PCSK5: variants seen among roughly 807,000 people sequenced by gnomAD.
The protein encoded by PCSK5 is prohormone convertase 5.
PCSK5 carries 129 observed loss-of-function variants against 233.2 expected under a neutral mutation model. The observed-to-expected ratio is 0.55, with a 90% CI of 0.48 to 0.64. PCSK5 has a LOEUF of 0.64. Ranked by LOEUF, PCSK5 falls within the 30% of genes least tolerant of loss-of-function variation. PCSK5 has a pLI of 0.00. For synonymous variants in PCSK5, 825 were observed against 879.2 expected, an observed-to-expected ratio of 0.94 and a Z score of 1.09; for missense variants, 2,076 against 2,430.1, an observed-to-expected ratio of 0.85 and a Z score of 3.06.
intron 2 of PCSK5, among the ~76,000 whole-genome samples, chr9:75,948,668 A>G (rs1228885641): frequency 6.6e-6 from 1 of 152,136 alleles, no homozygotes. Context: ...TCCTTTGGGT[A>G]TATACCCAGT....
At chr9:76,095,131 G>A (rs988922323) in intron 7 of PCSK5, among the ~76,000 whole-genome samples, 28 of 152,058 alleles carry the variant, frequency 1.8e-4, no homozygotes, top group African/African-American at 5.1e-4. Flanking sequence ...TGTTTAATTC[G>A]GGGATTCCCA....
chr9:76,208,290 G>A (rs1480529119), intron 20 of PCSK5, among the ~76,000 whole-genome samples: 2 of 152,170 alleles, frequency 1.3e-5, no homozygotes, highest in Non-Finnish European at 2.9e-5. Context: ...CCAAGGGTCT[G>A]ACTGCAATGA....
intron 8 of PCSK5, among the ~76,000 whole-genome samples, chr9:76,102,558 G>A (rs182349429): frequency 6.6e-6 from 1 of 152,246 alleles, no homozygotes; most frequent in African/African-American, 2.4e-5. Context: ...CAAGTTTTCA[G>A]ATTAGAGATG....
At chr9:76,023,924 CAG>C (rs1439202139) in intron 4 of PCSK5, 43 bp downstream of exon 4, 3 of 1,533,864 alleles carry the variant, frequency 2.0e-6, no homozygotes, top group Admixed American at 1.9e-5. Flanking sequence ...TTCTGGGAAA[CAG>C]AGAAACTCAT....
At chr9:76,347,454 C>A (rs1190501214) in intron 35 of PCSK5, among the ~76,000 whole-genome samples, 1 of 152,096 alleles carries the variant, frequency 6.6e-6, no homozygotes, top group Non-Finnish European at 1.5e-5. Flanking sequence ...ATTCTGGGTA[C>A]CCTAAGTGTG....
At position 75,957,504 on chromosome 9, in the gene PCSK5, GA is replaced by G. The variant is rs918633955; in HGVS notation, c.297+25031del. Among the ~76,000 whole-genome samples the G allele has an allele frequency of 9.3e-5, 14 of 150,072 alleles. 1 individual carries two copies. In the East Asian group the frequency reaches 1.8e-3, roughly 19 times the overall value. On this transcript the variant is annotated intron_variant, in intron 2 of 37. Coordinates refer to ENST00000674117, the MANE Select transcript of PCSK5 (RefSeq NM_001372043.1). ...GCAAAGAATCAGAAGTTGTCACTAAGAAAAAAAAAATCTTCCTCCAATTTTC... is the reference window on the plus strand; with the variant it reads ...GCAAAGAATCAGAAGTTGTCACTAAGAAAAAAAAATCTTCCTCCAATTTTC...
intron 3 of PCSK5, among the ~76,000 whole-genome samples, chr9:75,995,819 A>C (rs948841587): frequency 6.6e-6 from 1 of 151,816 alleles, no homozygotes; most frequent in Non-Finnish European, 1.5e-5. Context: ...CCCAATGATA[A>C]TGACTTCACT....
intron 7 of PCSK5, among the ~76,000 whole-genome samples, chr9:76,087,568 T>C (rs1051203794): frequency 1.6e-4 from 24 of 152,226 alleles, no homozygotes; most frequent in Non-Finnish European, 2.6e-4. Context: ...TAAAATTTTG[T>C]CATTTACAGT....
intron 5 of PCSK5, among the ~76,000 whole-genome samples, chr9:76,061,689 A>G (rs946352265): frequency 6.6e-6 from 1 of 150,410 alleles, no homozygotes; most frequent in Non-Finnish European, 1.5e-5. Context: ...ATTATAGTTT[A>G]CAGTAATCTA....
At chr9:76,284,748 T>A (rs1248781714) in intron 24 of PCSK5, among the ~76,000 whole-genome samples, 1 of 151,914 alleles carries the variant, frequency 6.6e-6, no homozygotes, top group Non-Finnish European at 1.5e-5. Flanking sequence ...GTCAGGTTGG[T>A]CTCAAACTCC....
At chr9:75,994,400 C>CTTTTTTTT (rs550518074) in intron 3 of PCSK5, among the ~76,000 whole-genome samples, 49 of 81,956 alleles carry the variant, frequency 6.0e-4, no homozygotes, top group Non-Finnish European at 7.3e-4. Flanking sequence ...TTCTTTCTTT[C>CTTTTTTTT]TTTTTTTTTT....
intron 20 of PCSK5, among the ~76,000 whole-genome samples, chr9:76,220,267 C>T (rs1033372162): frequency 2.0e-5 from 3 of 152,140 alleles, no homozygotes; most frequent in African/African-American, 4.8e-5. Flanking sequence ...TGGCTCATGC[C>T]TGTAATACCA....
intron 2 of PCSK5, among the ~76,000 whole-genome samples, chr9:75,981,336 G>A (rs1826269078): frequency 6.6e-6 from 1 of 152,148 alleles, no homozygotes; most frequent in South Asian, 2.1e-4. Flanking sequence ...ACAGATAAAA[G>A]AGGCCCACAA....
intron 20 of PCSK5, among the ~76,000 whole-genome samples, chr9:76,201,781 A>G (rs1824924489): frequency 6.6e-6 from 1 of 152,248 alleles, no homozygotes; most frequent in Non-Finnish European, 1.5e-5. Context: ...AAATGGGGAT[A>G]TGATGACATG....
At chr9:75,977,213 A>G (rs753261435) in intron 2 of PCSK5, among the ~76,000 whole-genome samples, 2 of 152,152 alleles carry the variant, frequency 1.3e-5, no homozygotes, top group African/African-American at 2.4e-5. Context: ...ACATACAATG[A>G]AATTTTTTGT....
At chr9:76,102,354 GAC>G (rs112344105) in intron 8 of PCSK5, among the ~76,000 whole-genome samples, 8,839 of 152,142 alleles carry the variant, frequency 0.058, 283 homozygotes, top group South Asian at 0.078. Flanking sequence ...ATTTTATATG[GAC>G]ACACATAAAT....
chr9:75,962,434 G>C (rs1825394524), intron 2 of PCSK5, among the ~76,000 whole-genome samples: 1 of 152,230 alleles, frequency 6.6e-6, no homozygotes, highest in African/African-American at 2.4e-5. Flanking sequence ...AGTCTTGGCA[G>C]ATTCATCCTG....
chr9:76,223,932 G>T (rs560959480), intron 20 of PCSK5, among the ~76,000 whole-genome samples: 2 of 152,176 alleles, frequency 1.3e-5, no homozygotes, highest in Admixed American at 6.5e-5. Context: ...GTGAAAACTT[G>T]TGCCTGTAAG....
At chr9:76,097,076 C>T (rs1276354053) in intron 8 of PCSK5, among the ~76,000 whole-genome samples, 3 of 150,348 alleles carry the variant, frequency 2.0e-5, no homozygotes, top group Non-Finnish European at 4.4e-5. Flanking sequence ...GGACTACAAG[C>T]ATGTGCCACC....
Sources: gnomAD v4.1 joint callset for allele counts (sites outside exome capture counted in the v4.1 genomes callset) on GRCh38, gnomAD v4.1.1 for gene constraint, MANE v1.5 for transcripts, NCBI Gene and HGNC (gene_info 2026-07-23, HGNC 2026-07-21) for gene names.